Variants in OGFR observed in about 807,000 individuals in gnomAD.
OGFR encodes opioid growth factor receptor.
Under a neutral mutation model 33.6 loss-of-function variants are expected in OGFR, and 18 were observed. That is an observed-to-expected ratio of 0.54 (90% CI 0.37 to 0.80). The LOEUF (loss-of-function observed/expected upper bound fraction) is 0.80, where lower values mean the gene tolerates loss of function less well. Among genes scored for constraint, OGFR ranks in the 30% least tolerant of loss-of-function variants. OGFR has a pLI of 0.00. For missense variants in OGFR, 877 were observed against 955.8 expected (o/e 0.92, Z 1.09); for synonymous variants, 370 against 400.7 (o/e 0.92, Z 0.91).
intron 6 of OGFR, among the ~76,000 whole-genome samples, chr20:62,812,009 G>A (rs1293421551): frequency 2.6e-5 from 4 of 152,228 alleles, no homozygotes; most frequent in African/African-American, 9.6e-5. Context: ...TGATGCGTCA[G>A]CATCCCCCTA....
chr20:62,806,193 G>T (rs868520811), intron 1 of OGFR: 1 of 152,408 alleles, frequency 6.6e-6, no homozygotes, highest in Non-Finnish European at 1.5e-5. Flanking sequence ...GGAAGGAGAA[G>T]TAGAAACTGA....
rs1351006423 is a variant in OGFR, at chr20:62,812,556, G to C, written c.941G>C (p.Gly314Ala). ...LEGSRKVEEE[G>A]SPGDPDHEAS... ...GGCTCCAGGAAGGTGGAGGAGGAAG[G>C]AAGCCCCGGGGACCCCGACCACGAG... is the stretch of plus-strand genomic sequence containing the variant. The change falls in exon 7 of 7, where the codon GGA (glycine) becomes GCA (alanine). Residue 314 changes from glycine (G) to alanine (A), a missense_variant. Transcript: ENST00000290291. 6.3e-7 allele frequency: 1 copy of C among 1,583,070 alleles called. No individual in the cohort carries two copies. Among genetic ancestry groups the C allele is most frequent in the East Asian group, 2.3e-5 (1 of 43,438 alleles).
At chr20:62,809,707 AGG>A (rs1568738568) in intron 4 of OGFR, 44 bp downstream of exon 4, 1 of 741,988 alleles carries the variant, frequency 1.3e-6, no homozygotes, top group South Asian at 1.6e-5. Flanking sequence ...GCGAGGCCAC[AGG>A]GGGAGGGCCC....
rs1434195749 is a variant in OGFR, at chr20:62,813,684, G to C, written c.*35G>C. The C allele has an allele frequency of 6.2e-7, 1 of 1,607,562 alleles. No individual in the cohort carries two copies. The highest frequency in any genetic ancestry group is 1.3e-5 in the African/African-American group (1 of 74,752). ...TGCCCGTCGGCGTCTTGGTCCTCCTGTCCCTGCTGCAGGGGCTGGGGCCTC... is the reference window on the plus strand; with the variant it reads ...TGCCCGTCGGCGTCTTGGTCCTCCTCTCCCTGCTGCAGGGGCTGGGGCCTC... On this transcript the variant is annotated 3_prime_UTR_variant, in exon 7 of 7. Transcript: ENST00000290291.
At chr20:62,808,439 A>G (rs1990646710) in intron 3 of OGFR, 114 bp downstream of exon 3, 6 of 761,604 alleles carry the variant, frequency 7.9e-6, no homozygotes, top group Middle Eastern at 2.6e-4. Flanking sequence ...CGGCTTTCAA[A>G]TAGCCCCACA....
Position 62,813,608 on chromosome 20 carries a change from G to A in OGFR, c.1993G>A (p.Asp665Asn), listed in dbSNP as rs774440482. The A allele has an allele frequency of 1.1e-5, 18 of 1,612,740 alleles. No individual in the cohort carries two copies. The highest frequency in any genetic ancestry group is 1.5e-5 in the Non-Finnish European group (18 of 1,179,952). Residue 665 changes from aspartate to asparagine, a missense_variant, in exon 7 of 7, where the codon GAC (aspartate) becomes AAC (asparagine). By Grantham distance (23) the Asp-to-Asn change is conservative. Around this residue, in one of 3 missense-constraint regions of OGFR, gnomAD observed 45 missense variants for 38.0 expected, o/e 1.19. Transcript: ENST00000290291. ...AKAGEAAELQ[D>N]AEVESSAKSG... ...GGCGGGGGAGGCAGCAGAGTTGCAG[G>A]ACGCAGAGGTGGAGTCTTCTGCCAA... is the stretch of plus-strand genomic sequence containing the variant.
rs1362444733 is a variant in OGFR, at chr20:62,812,388, T to G, written c.773T>G (p.Met258Arg). The part of the protein sequence containing the change: ...GVRQSALDYF[M>R]FAVRCRHQRR... ...CGGCAGAGTGCCCTGGACTACTTCA[T>G]GTTCGCCGTGCGCTGCCGACACCAG... Residue 258 changes from methionine (M) to arginine (R), a missense_variant, in exon 7 of 7, where the codon ATG becomes AGG. Transcript: ENST00000290291. 1 of 1,579,950 alleles carries G rather than the reference T, an allele frequency of 6.3e-7. No homozygotes were observed. Among genetic ancestry groups the G allele is most frequent in the Admixed American group, 1.8e-5 (1 of 55,286 alleles).
chr20:62,807,859 C>A, intron 2 of OGFR: 1 of 601,082 alleles, frequency 1.7e-6, no homozygotes, highest in Non-Finnish European at 3.0e-6. Flanking sequence ...GGCCATAGTG[C>A]CAGCCTCGTG....
At chr20:62,807,094 G>A in intron 1 of OGFR, 1 of 178,824 alleles carries the variant, frequency 5.6e-6, no homozygotes, top group South Asian at 1.1e-4. Flanking sequence ...AACACAGCCT[G>A]GTGACTTTAG....
In OGFR at chr20:62,809,577, G is replaced by A. The variant is rs1328079474; in HGVS notation, c.320-8G>A. The A allele has an allele frequency of 6.2e-7, 1 of 1,611,266 alleles. No individual in the cohort carries two copies. The highest frequency in any genetic ancestry group is 1.1e-5 in the South Asian group (1 of 91,054). On this transcript the variant is annotated splice_region_variant and splice_polypyrimidine_tract_variant and intron_variant, in intron 3 of 6. Coordinates refer to ENST00000290291, the MANE Select transcript of OGFR (RefSeq NM_007346.4). The stretch of plus-strand genomic sequence containing the variant: ...GCCACAGCTGACTTGTCCCCATGGG[G>A]CTCCCAGGCTGTTTCATTGAGGACA...
chr20:62,811,626 T>TGGGG lies in OGFR; in HGVS notation c.614+16_614+17insGGGG. On this transcript the variant is annotated intron_variant, in intron 6 of 6. Transcript: ENST00000290291. ...ACCTGAACTGGTGAGGCCCGGCTGC[T>TGGGG]CCCGCCCACCCCCACCCCGGCGCAG... 2 of 1,502,504 alleles carry TGGGG rather than the reference T, an allele frequency of 1.3e-6. No individual in the cohort carries two copies. The highest frequency in any genetic ancestry group is 1.8e-6 in the Non-Finnish European group (2 of 1,110,106). 93.1% of individuals were successfully genotyped at this position (1,502,504 alleles called of 1,614,324 possible).
chr20:62,811,224 TGTG>T (rs981697763), intron 5 of OGFR, among the ~76,000 whole-genome samples: 1 of 151,938 alleles, frequency 6.6e-6, no homozygotes, highest in African/African-American at 2.4e-5. Context: ...ATTAGCCAGG[TGTG>T]GTGGCAGGCA....
chr20:62,811,570 C>A lies in OGFR; in HGVS notation c.574C>A (p.Arg192=). The change falls in exon 6 of 7, where the codon CGA becomes AGA. Residue 192 remains arginine, a synonymous_variant. Coordinates refer to ENST00000290291, the MANE Select transcript of OGFR (RefSeq NM_007346.4). Reference sequence around the variant, plus strand: ...GGACCGAGGCACGGGCACGGTGGGCCGAGCACAGAACTACCAGAAGCGCTT... The same window carrying A: ...GGACCGAGGCACGGGCACGGTGGGCAGAGCACAGAACTACCAGAAGCGCTT... The part of the protein sequence containing the change: ...LEDRGTGTVG[R]AQNYQKRFQN... 6.2e-7 allele frequency: 1 copy of A among 1,602,610 alleles called. No individual in the cohort carries two copies. The highest frequency in any genetic ancestry group is 8.5e-7 in the Non-Finnish European group (1 of 1,175,444).
intron 6 of OGFR, 135 bp downstream of exon 6, chr20:62,811,745 C>T: frequency 1.0e-6 from 1 of 997,120 alleles, no homozygotes; most frequent in South Asian, 1.7e-5. Flanking sequence ...GGCCCTGAGT[C>T]CCCTCCTTGC....
At chr20:62,807,912 C>G (rs192568918) in intron 2 of OGFR, 10 of 599,324 alleles carry the variant, frequency 1.7e-5, no homozygotes, top group Non-Finnish European at 2.7e-5. Flanking sequence ...CACAGCACCC[C>G]ACCCCCATGC....
At chr20:62,807,680 C>T (rs1184471437) in intron 2 of OGFR, 75 bp downstream of exon 2, 1 of 1,475,634 alleles carries the variant, frequency 6.8e-7, no homozygotes, top group African/African-American at 1.4e-5. Context: ...GTCCCAGGTT[C>T]TACTGGAAGG....
At position 62,804,840 on chromosome 20, in the gene OGFR, G is replaced by C; in HGVS notation, c.-20G>C. ...TCGGTTTCGCTTCCGCCTCCAGCGC[G>C]AGCCCCGCCGCCGCCGAGCATGGAC... On this transcript the variant is annotated 5_prime_UTR_variant, in exon 1 of 7. Transcript: ENST00000290291. 1 of 1,284,334 alleles carries C rather than the reference G, an allele frequency of 7.8e-7. No individual in the cohort carries two copies. Among genetic ancestry groups the C allele is most frequent in the South Asian group, 1.5e-5 (1 of 67,670 alleles). The allele number at this position is 1,284,334 out of a possible 1,614,324, so 79.6% of individuals were successfully genotyped here.
chr20:62,812,713 A>T lies in OGFR; in HGVS notation c.1098A>T (p.Ala366=). The T allele has an allele frequency of 1.3e-6, 2 of 1,589,322 alleles. No homozygotes were observed. Among genetic ancestry groups the T allele is most frequent in the African/African-American group, 1.3e-5 (1 of 74,506 alleles). The change falls in exon 7 of 7, where the codon GCA becomes GCT. Residue 366 remains alanine, a synonymous_variant. Coordinates refer to ENST00000290291, the MANE Select transcript of OGFR (RefSeq NM_007346.4). ...GPLERSQGDE[A]GGHGEDRPEP... The stretch of plus-strand genomic sequence containing the variant: ...TGGAGAGGAGCCAGGGGGATGAGGC[A>T]GGGGGCCACGGGGAAGATAGGCCGG...
At chr20:62,807,441 C>A in intron 1 of OGFR, 96 bp from the exon 2 acceptor site, 1 of 1,040,302 alleles carries the variant, frequency 9.6e-7, no homozygotes, top group Non-Finnish European at 1.5e-6. Flanking sequence ...AAAGACAGCT[C>A]TGTGGCAGCT....
Sources: allele counts gnomAD v4.1 joint callset (sites outside exome capture counted in the v4.1 genomes callset), GRCh38; gene constraint gnomAD v4.1.1; regional missense constraint gnomAD v4.1.1; transcripts MANE v1.5; gene names NCBI Gene and HGNC (gene_info 2026-07-23, HGNC 2026-07-21).